POM121: variants seen among roughly 807,000 people sequenced by gnomAD.
POM121 encodes nuclear envelope pore membrane protein POM 121.
In POM121, 32 loss-of-function variants were observed where a neutral mutation model predicts 81.3. The observed-to-expected ratio is 0.39, with a 90% CI of 0.30 to 0.53. The LOEUF is 0.53. POM121 is among the 20% of genes least tolerant of loss of function. POM121 has a pLI of 0.66. For synonymous variants in POM121, 514 were observed against 694.2 expected, an observed-to-expected ratio of 0.74 and a Z score of 4.08; for missense variants, 1,138 against 1,614.6, an observed-to-expected ratio of 0.70 and a Z score of 5.06.
intron 5 of POM121, among the ~76,000 whole-genome samples, chr7:72,936,704 G>A (rs1796544930): frequency 1.3e-5 from 2 of 152,068 alleles, no homozygotes; most frequent in African/African-American, 2.4e-5. Flanking sequence ...GAGCCACCTC[G>A]TCTGGCCCCT....
At chr7:72,900,647 G>C (rs1586092592) in intron 3 of POM121, among the ~76,000 whole-genome samples, 1 of 152,114 alleles carries the variant, frequency 6.6e-6, no homozygotes, top group Non-Finnish European at 1.5e-5. Context: ...AGGATTACAG[G>C]CACATGCAAT....
At chr7:72,916,519 G>A (rs1436103193) in intron 4 of POM121, among the ~76,000 whole-genome samples, 1 of 152,142 alleles carries the variant, frequency 6.6e-6, no homozygotes, top group Non-Finnish European at 1.5e-5. Flanking sequence ...TGTTCCATTG[G>A]TCTATGTATC....
chr7:72,907,881 C>T (rs1163811123), intron 3 of POM121, among the ~76,000 whole-genome samples: 2 of 152,148 alleles, frequency 1.3e-5, no homozygotes, highest in Non-Finnish European at 2.9e-5. Context: ...AATGTGAGAG[C>T]GTTTGCTGTT....
Position 72,900,712 on chromosome 7 carries a change from C to T in POM121, c.-216+9602C>T, listed in dbSNP as rs560005601. On this transcript the variant is annotated intron_variant, in intron 3 of 15. Transcript: ENST00000395270. Reference sequence around the variant, plus strand: ...AGAGATGGAGTTTTACCATGTTGGCCAGGCTGGTGTTGAACTCCTGGCCTT... The same window carrying T: ...AGAGATGGAGTTTTACCATGTTGGCTAGGCTGGTGTTGAACTCCTGGCCTT... 3.3e-5 allele frequency among the ~76,000 whole-genome samples: 5 copies of T among 152,074 alleles called. No individual in the cohort carries two copies. In the South Asian group the frequency reaches 8.3e-4, roughly 25 times the overall value.
upstream of POM121, among the ~76,000 whole-genome samples, chr7:72,920,234 G>A (rs1794671605): frequency 6.6e-6 from 1 of 151,950 alleles, no homozygotes; most frequent in Non-Finnish European, 1.5e-5. Context: ...TCAAAATAAG[G>A]ATTGATTGGT....
chr7:72,904,339 G>T (rs1554493108), intron 3 of POM121, among the ~76,000 whole-genome samples: 1 of 152,214 alleles, frequency 6.6e-6, no homozygotes, highest in Non-Finnish European at 1.5e-5. Context: ...CACGCCTCTA[G>T]TTTGCCTCAA....
Position 72,899,724 on chromosome 7 carries a change from A to G in POM121, c.-216+8614A>G, listed in dbSNP as rs531944148. On this transcript the variant is annotated intron_variant, in intron 3 of 15. Transcript: ENST00000395270. ...CTCCCAAGTAGCTGGGACTACAGGC[A>G]TGTGCCACCACGCCCGGCTAATTTT... is the stretch of plus-strand genomic sequence containing the variant. Among the ~76,000 whole-genome samples, 781 of 151,954 alleles carry G rather than the reference A, an allele frequency of 5.1e-3. 8 individuals carry two copies. Among genetic ancestry groups the G allele is most frequent in the African/African-American group, 0.018 (756 of 41,428 alleles).
At chr7:72,908,310 GC>G (rs1264107666) in intron 3 of POM121, among the ~76,000 whole-genome samples, 1 of 152,162 alleles carries the variant, frequency 6.6e-6, no homozygotes, top group Non-Finnish European at 1.5e-5. Context: ...GTTCCGTGAT[GC>G]CCCCAAAGCT....
At chr7:72,926,588 T>G in intron 2 of POM121, 111 bp downstream of exon 2, 4 of 1,538,740 alleles carry the variant, frequency 2.6e-6, no homozygotes, top group Non-Finnish European at 2.6e-6. Flanking sequence ...AAGCTGCTTA[T>G]TTGATGAGAA....
chr7:72,915,780 C>T (rs1375706645), intron 4 of POM121, among the ~76,000 whole-genome samples: 1 of 152,204 alleles, frequency 6.6e-6, no homozygotes, highest in Non-Finnish European at 1.5e-5. Context: ...TCAAGAGATT[C>T]TCCTGCCTCA....
upstream of POM121, among the ~76,000 whole-genome samples, chr7:72,922,746 G>A (rs1794932536): frequency 6.6e-6 from 1 of 151,976 alleles, no homozygotes; most frequent in Non-Finnish European, 1.5e-5. Context: ...AATGATTTGT[G>A]CCCTTTGTGT....
intron 3 of POM121, among the ~76,000 whole-genome samples, chr7:72,904,720 C>G (rs186093181): frequency 1.3e-5 from 2 of 152,164 alleles, no homozygotes; most frequent in African/African-American, 2.4e-5. Context: ...AGTTTTCACA[C>G]TGCTGGAAAG....
intron 3 of POM121, among the ~76,000 whole-genome samples, chr7:72,902,251 C>G (rs1445921772): frequency 1.1e-4 from 16 of 139,960 alleles, no homozygotes; most frequent in African/African-American, 3.4e-4. Context: ...TTTTCTTTTT[C>G]TTTCTTTTTT....
downstream of POM121, chr7:72,948,695 G>A (rs782585677): frequency 1.4e-5 from 22 of 1,594,164 alleles, no homozygotes; most frequent in African/African-American, 2.8e-4. Context: ...TTCAATTACA[G>A]CAACGAAGAA....
Position 72,939,907 on chromosome 7 carries a change from C to G in POM121, c.1502C>G (p.Ser501Cys), listed in dbSNP as rs1554500474. ...NSNSQSTPGS[S>C]GQRKRKVQLL... ...AATTCTCAGTCTACACCTGGCAGCT[C>G]TGGGCAGCGTAAGCGGAAAGTTCAG... Residue 501 changes from serine (S) to cysteine (C), a missense_variant, in exon 8 of 13, where the codon TCT becomes TGT. Ser to Cys is a moderately radical substitution (Grantham distance 112, BLOSUM62 -1). This residue lies in a region of POM121 where 24 missense variants were observed against 54.3 expected (regional missense o/e 0.44). Transcript: ENST00000434423. 1.2e-6 allele frequency: 2 copies of G among 1,609,140 alleles called. No individual in the cohort carries two copies. Among genetic ancestry groups the G allele is most frequent in the African/African-American group, 1.3e-5 (1 of 74,660 alleles).
intron 5 of POM121, among the ~76,000 whole-genome samples, chr7:72,934,312 T>A (rs1246917317): frequency 1.3e-5 from 2 of 152,148 alleles, no homozygotes; most frequent in East Asian, 3.9e-4. Flanking sequence ...CTCGAACTCG[T>A]GACCTCAGGT....
intron 3 of POM121, among the ~76,000 whole-genome samples, chr7:72,907,903 C>CT (rs77470264): frequency 6.6e-6 from 1 of 152,092 alleles, no homozygotes; most frequent in African/African-American, 2.4e-5. Flanking sequence ...TCCCATTGTT[C>CT]TTTTTTTGTG....
intron 1 of POM121, among the ~76,000 whole-genome samples, chr7:72,887,740 T>C (rs1417211753): frequency 1.3e-5 from 2 of 152,150 alleles, no homozygotes; most frequent in Non-Finnish European, 2.9e-5. Context: ...GGCAGAAGAA[T>C]TGCTGGATCC....
Position 72,939,378 on chromosome 7 carries a change from G to A in POM121, c.1410G>A (p.Leu470=), listed in dbSNP as rs1554500286. The change falls in exon 7 of 13, where the codon TTG becomes TTA. Residue 470 remains leucine, a synonymous_variant. Coordinates refer to ENST00000434423, the MANE Select transcript of POM121 (RefSeq NM_001387691.1). ...ATCATTCCAGTTCTTCAACTCCATT[G>A]GCAGCAGACAGGGAGTCCCAGGGAG... The part of the protein sequence containing the change: ...LCHHSSSSTP[L]AADRESQGEK... 6.2e-7 allele frequency: 1 copy of A among 1,613,898 alleles called. No homozygotes were observed.
Sources: allele counts gnomAD v4.1 joint callset (sites outside exome capture counted in the v4.1 genomes callset), GRCh38; gene constraint gnomAD v4.1.1; regional missense constraint gnomAD v4.1.1; transcripts MANE v1.5; gene names NCBI Gene and HGNC (gene_info 2026-07-23, HGNC 2026-07-21).